Variants in KIF1B observed in about 807,000 individuals in gnomAD.
KIF1B encodes the protein kinesin family member 1B.
In KIF1B, 76 loss-of-function variants were observed where a neutral mutation model predicts 241.9. That is an observed-to-expected ratio of 0.31 (90% CI 0.26 to 0.38). KIF1B has a LOEUF of 0.38. Ranked by LOEUF, KIF1B falls within the 10% of genes least tolerant of loss-of-function variation. The pLI is 1.00. For synonymous variants in KIF1B, 750 were observed against 796.7 expected, an observed-to-expected ratio of 0.94 and a Z score of 0.99; for missense variants, 1,622 against 2,271.4, an observed-to-expected ratio of 0.71 and a Z score of 5.81.
At position 10,374,268 on chromosome 1, in the gene KIF1B, A is replaced by T; in HGVS notation, c.4947-48A>T. On this transcript the variant is annotated intron_variant, in intron 45 of 48. Transcript: ENST00000676179. This position sits in a 1 kb window ranked among gnomAD's most constrained non-coding sequence, Gnocchi z 4.3. Reference sequence around the variant, plus strand: ...ACAGTACTCAGTATGCCTTGATTGTAACTGATTCTCTTGTTACCCTTTTCT... The same window carrying T: ...ACAGTACTCAGTATGCCTTGATTGTTACTGATTCTCTTGTTACCCTTTTCT... The T allele has an allele frequency of 6.3e-7, 1 of 1,590,256 alleles. No individual in the cohort carries two copies. The highest frequency in any genetic ancestry group is 8.6e-7 in the Non-Finnish European group (1 of 1,158,360).
At chr1:10,278,182 T>C in intron 13 of KIF1B, 54 bp downstream of exon 13, 2 of 1,553,964 alleles carry the variant, frequency 1.3e-6, no homozygotes, top group South Asian at 1.1e-5. Context: ...TCAGGGTTCT[T>C]ATTCAGCGTT....
At chr1:10,322,377 G>A (rs1023453066) in intron 24 of KIF1B, among the ~76,000 whole-genome samples, 1 of 152,162 alleles carries the variant, frequency 6.6e-6, no homozygotes, top group Non-Finnish European at 1.5e-5. Flanking sequence ...TCTACATAAT[G>A]GGGTTGGCAG....
At chr1:10,372,653 GGGTGACAGAGCTGTCACCCAA>G (rs1638769465) in intron 45 of KIF1B, among the ~76,000 whole-genome samples, 1 of 126,026 alleles carries the variant, frequency 7.9e-6, no homozygotes, top group Non-Finnish European at 1.6e-5. Flanking sequence ...GCGCCAGCTT[GGGTGACAGAGCTGTCACCCAA>G]GCTGGCGCGC....
intron 5 of KIF1B, among the ~76,000 whole-genome samples, chr1:10,265,859 A>G (rs1320989514): frequency 1.3e-5 from 2 of 152,180 alleles, no homozygotes; most frequent in Admixed American, 6.5e-5. Flanking sequence ...CAAAAAATAT[A>G]TAAAAATAAA....
At chr1:10,256,143 G>T in intron 2 of KIF1B, 104 bp from the exon 3 acceptor site, 1 of 769,890 alleles carries the variant, frequency 1.3e-6, no homozygotes, top group South Asian at 1.4e-5. Context: ...AGATTTAGTG[G>T]TATGAATTTA....
At chr1:10,323,805 T>C (rs980448647) in intron 24 of KIF1B, 79 bp from the exon 25 acceptor site, 21 of 1,174,388 alleles carry the variant, frequency 1.8e-5, no homozygotes, top group African/African-American at 3.0e-5. Context: ...CTCTTTCCCA[T>C]TGGGTATGAT....
chr1:10,233,116 G>A (rs1232563969), intron 2 of KIF1B, among the ~76,000 whole-genome samples: 4 of 152,202 alleles, frequency 2.6e-5, no homozygotes, highest in Non-Finnish European at 5.9e-5. Flanking sequence ...TACTGCTGAA[G>A]TACACATTCT....
At chr1:10,332,388 A>G (rs1651978618) in intron 27 of KIF1B, among the ~76,000 whole-genome samples, 1 of 151,122 alleles carries the variant, frequency 6.6e-6, no homozygotes, top group South Asian at 2.1e-4. Context: ...CTTGATGCCC[A>G]TTCAGAGTCT....
intron 22 of KIF1B, among the ~76,000 whole-genome samples, chr1:10,318,235 G>A (rs926601496): frequency 1.3e-5 from 2 of 151,500 alleles, no homozygotes; most frequent in Non-Finnish European, 2.9e-5. Flanking sequence ...AACCATAGAG[G>A]ATATTTGCAT....
At chr1:10,372,239 A>G (rs1011304762) in intron 45 of KIF1B, among the ~76,000 whole-genome samples, 1 of 152,128 alleles carries the variant, frequency 6.6e-6, no homozygotes, top group Non-Finnish European at 1.5e-5. Context: ...ATGAATCCCA[A>G]TTTAAGAAAT....
intron 43 of KIF1B, 76 bp from the exon 44 acceptor site, chr1:10,368,391 C>T: frequency 8.1e-7 from 1 of 1,236,354 alleles, no homozygotes; most frequent in Non-Finnish European, 1.2e-6. Flanking sequence ...CAGGAGCCTC[C>T]ACGTGGTCAG....
intron 22 of KIF1B, among the ~76,000 whole-genome samples, chr1:10,309,066 AT>A (rs1259405184): frequency 2.0e-5 from 3 of 152,160 alleles, no homozygotes; most frequent in Admixed American, 2.0e-4. Context: ...CACCCAGAGT[AT>A]TGATGGTACA....
chr1:10,347,791 A>G lies in KIF1B; in HGVS notation c.3828A>G (p.Ala1276=). ...EYIPAVVDHT[A]GLPCQGTFLL... ...TCCCAGCTGTGGTTGACCACACAGC[A>G]GGCTTGCCTTGCCAGGGGACATTTT... Residue 1276 remains alanine (A), a synonymous_variant, in exon 36 of 49, where the codon GCA becomes GCG. Coordinates refer to ENST00000676179, the MANE Select transcript of KIF1B (RefSeq NM_001365951.3). The G allele has an allele frequency of 6.2e-7, 1 of 1,613,474 alleles. No individual in the cohort carries two copies. The highest frequency in any genetic ancestry group is 1.1e-5 in the South Asian group (1 of 91,070).
chr1:10,271,471 G>A (rs747205033), intron 7 of KIF1B, 31 bp from the exon 8 acceptor site: 16 of 1,499,240 alleles, frequency 1.1e-5, no homozygotes, highest in Non-Finnish European at 1.5e-5. Context: ...GCTTATTTTT[G>A]AATTGCCCCC....
intron 22 of KIF1B, among the ~76,000 whole-genome samples, chr1:10,313,991 T>C: frequency 6.6e-6 from 1 of 150,504 alleles, no homozygotes; most frequent in East Asian, 2.0e-4. Context: ...GCCTCCTGGG[T>C]TCAAGCAGTT....
intron 22 of KIF1B, among the ~76,000 whole-genome samples, chr1:10,310,284 G>A (rs1651011451): frequency 1.3e-5 from 2 of 151,554 alleles, no homozygotes; most frequent in African/African-American, 4.9e-5. Context: ...GGTCTGGGGC[G>A]AGACCTGATA....
rs765259892 is a variant in KIF1B, at chr1:10,371,165, C to T, written c.4849C>T (p.Arg1617Trp). ...CKLSDISPIG[R>W]DPSESSFSSA... ...GTTGTCTGATATCTCTCCAATTGGA[C>T]GGGATCCCTCTGAGTCCAGTTTCAG... The change falls in exon 45 of 49, where the codon CGG becomes TGG. Residue 1617 changes from arginine to tryptophan, a missense_variant. Coordinates refer to ENST00000676179, the MANE Select transcript of KIF1B (RefSeq NM_001365951.3). 7.4e-6 allele frequency: 12 copies of T among 1,613,974 alleles called. No homozygotes were observed. Among genetic ancestry groups the T allele is most frequent in the South Asian group, 2.2e-5 (2 of 91,078 alleles).
chr1:10,379,805 G>T lies in KIF1B; in HGVS notation c.*3218G>T, dbSNP rs969037885. On this transcript the variant is annotated 3_prime_UTR_variant, in exon 49 of 49. Coordinates refer to ENST00000676179, the MANE Select transcript of KIF1B (RefSeq NM_001365951.3). ...GTGCTCAGACCCTCTCTGTGTCTGT[G>T]TGCCCTCCTGGGAGTCAGTCAGCGC... The T allele has an allele frequency of 4.3e-6, 1 of 230,102 alleles. No individual in the cohort carries two copies. 14.3% of individuals were successfully genotyped at this position (230,102 alleles called of 1,614,324 possible). A position where few individuals can be genotyped will look rare whatever the true frequency, so the allele number is the denominator to read the frequency against.
Position 10,230,505 on chromosome 1 carries a change from A to G in KIF1B, c.-79-1745A>G, listed in dbSNP as rs1186136213. On this transcript the variant is annotated intron_variant, in intron 1 of 48. Coordinates refer to ENST00000676179, the MANE Select transcript of KIF1B (RefSeq NM_001365951.3). ...GGCTGGAGTGCAGTGGTGCGATCTC[A>G]GCTCACTGCAACCTCCACCTCCTGG... Among the ~76,000 whole-genome samples, 4 of 149,602 alleles carry G rather than the reference A, an allele frequency of 2.7e-5. No individual in the cohort carries two copies. In the Admixed American group the frequency reaches 2.7e-4, roughly 10 times the overall value.
Sources: allele counts gnomAD v4.1 joint callset (sites outside exome capture counted in the v4.1 genomes callset), GRCh38; gene constraint gnomAD v4.1.1; non-coding constraint Gnocchi (gnomAD v3.1); transcripts MANE v1.5; gene names NCBI Gene and HGNC (gene_info 2026-07-23, HGNC 2026-07-21).